Variants in TRIM14 observed in about 807,000 individuals in gnomAD.
TRIM14 encodes tripartite motif containing 14.
Under a neutral mutation model 44.5 loss-of-function variants are expected in TRIM14, and 28 were observed. That is an observed-to-expected ratio of 0.63 (90% CI 0.47 to 0.86). The LOEUF (loss-of-function observed/expected upper bound fraction) is 0.86. Among genes scored for constraint, TRIM14 ranks in the 40% least tolerant of loss-of-function variants. TRIM14 has a pLI of 0.00. For synonymous variants in TRIM14, 299 were observed against 269.2 expected (o/e 1.11, Z -1.08); for missense variants, 607 against 611.1 (o/e 0.99, Z 0.07).
At chr9:98,058,171 C>T in the TRIM14 span, among the ~76,000 whole-genome samples, 1 of 152,080 alleles carries the variant, frequency 6.6e-6, no homozygotes, top group African/African-American at 2.4e-5. Context: ...CCCACCTTGG[C>T]CTCCGAAAGT....
At chr9:98,052,403 CAAACAT>C in the TRIM14 span, among the ~76,000 whole-genome samples, 4 of 151,502 alleles carry the variant, frequency 2.6e-5, no homozygotes, top group African/African-American at 9.7e-5. Context: ...GAAAAGAAAA[CAAACAT>C]AAAGGCTTTT....
rs1825767480 is a variant in TRIM14, at chr9:98,086,144, T to C, written c.*1326A>G. 6.6e-6 allele frequency: 1 copy of C among 152,180 alleles called. No individual in the cohort carries two copies. The highest frequency in any genetic ancestry group is 2.4e-5 in the African/African-American group (1 of 41,434). 9.4% of individuals were successfully genotyped at this position (152,180 alleles called of 1,614,324 possible). On this transcript the variant is annotated 3_prime_UTR_variant, in exon 6 of 6. Transcript: ENST00000341469. ...TCTTACCCTTTTTGTCCCAAGACAG[T>C]TGGGAAACACCACCCCCTTTGGTTG...
At chr9:98,079,145 C>T (rs1018596990) in intron 6 of TRIM14, among the ~76,000 whole-genome samples, 4 of 152,144 alleles carry the variant, frequency 2.6e-5, no homozygotes, top group South Asian at 2.1e-4. Context: ...AGTCCCAAGT[C>T]GGGAAGCCTG....
downstream of TRIM14, chr9:98,083,172 C>T (rs552281221): frequency 3.7e-5 from 35 of 939,030 alleles, no homozygotes; most frequent in Admixed American, 6.2e-4. Context: ...CCACCTCCAC[C>T]TGCTCCTTAG....
At chr9:98,089,347 T>G (rs1349746568) in intron 5 of TRIM14, among the ~76,000 whole-genome samples, 1 of 152,110 alleles carries the variant, frequency 6.6e-6, no homozygotes, top group African/African-American at 2.4e-5. Flanking sequence ...TGGCTAATTT[T>G]TGTATTTTCA....
In TRIM14 at chr9:98,074,398, G is replaced by A. The variant is rs111899597; in HGVS notation, c.*29-4711C>T. ...CCCGATAGCACGGTCGGCAGGCTAG[G>A]GGAAGTCAAGGAGTCCCTGAAGAGA... On this transcript the variant is annotated intron_variant, in intron 6 of 6. Transcript: ENST00000375098. Among the ~76,000 whole-genome samples, 1,070 of 152,248 alleles carry A rather than the reference G, an allele frequency of 7.0e-3. 8 individuals carry two copies. The highest frequency in any genetic ancestry group is 0.024 in the African/African-American group (1,012 of 41,552).
intron 2 of TRIM14, among the ~76,000 whole-genome samples, chr9:98,105,458 A>G (rs750626366): frequency 1.1e-4 from 17 of 152,248 alleles, no homozygotes; most frequent in Non-Finnish European, 2.5e-4. Context: ...GGGCACCTGC[A>G]GTCCCAGCAA....
the TRIM14 span, among the ~76,000 whole-genome samples, chr9:98,054,168 A>G: frequency 6.6e-6 from 1 of 152,134 alleles, no homozygotes; most frequent in African/African-American, 2.4e-5. Flanking sequence ...GAATGTGACC[A>G]TACTTACAGA....
rs771441115 is a variant in TRIM14 at position 98,091,898 on chromosome 9, G to C, written c.793+11C>G. 2 of 1,577,132 alleles carry C rather than the reference G, an allele frequency of 1.3e-6. No homozygotes were observed. Among genetic ancestry groups the C allele is most frequent in the East Asian group, 2.3e-5 (1 of 44,090 alleles). ...CCGTCTCCACCCTATCCCCACTCCC[G>C]GGGGTCTTACATTTCAGCAATAGCG... is the stretch of plus-strand genomic sequence containing the variant. On this transcript the variant is annotated intron_variant, in intron 5 of 5. Coordinates refer to ENST00000341469, the MANE Select transcript of TRIM14 (RefSeq NM_014788.4).
chr9:98,078,018 GC>G (rs1340910384), intron 6 of TRIM14: 1 of 854,700 alleles, frequency 1.2e-6, no homozygotes, highest in African/African-American at 1.7e-5. Context: ...CTTTCCTGTG[GC>G]CGAGGGCAGG....
intron 5 of TRIM14, among the ~76,000 whole-genome samples, chr9:98,091,514 T>C (rs769103914): frequency 2.6e-5 from 4 of 152,144 alleles, no homozygotes; most frequent in Non-Finnish European, 5.9e-5. Flanking sequence ...CAAATATATA[T>C]ATGTTCATAA....
In TRIM14 at chr9:98,094,988, G is replaced by T. The variant is rs753923320; in HGVS notation, c.579C>A (p.Ser193Arg). The T allele has an allele frequency of 1.2e-6, 2 of 1,614,108 alleles. No individual in the cohort carries two copies. Among genetic ancestry groups the T allele is most frequent in the Non-Finnish European group, 1.7e-6 (2 of 1,180,012 alleles). Residue 193 changes from serine to arginine, a missense_variant, in exon 4 of 6, where the codon AGC (serine) becomes AGA (arginine). Ser to Arg is a moderately radical substitution (Grantham distance 110). Coordinates refer to ENST00000341469, the MANE Select transcript of TRIM14 (RefSeq NM_014788.4). ...GCACGGGATGGCACAGCTCCCCGAG[G>T]CTCATCTGCTGCTGCATCTCCTGCT... Reference protein sequence around the residue: ...ATEQEMQQQMSLGELCHPVPL... With the variant: ...ATEQEMQQQMRLGELCHPVPL...
chr9:98,057,720 T>A, the TRIM14 span, among the ~76,000 whole-genome samples: 1 of 152,142 alleles, frequency 6.6e-6, no homozygotes, highest in Non-Finnish European at 1.5e-5. Context: ...GCATAAGGCC[T>A]GGCCTGCACT....
chr9:98,105,246 T>C (rs1352832745), intron 2 of TRIM14, among the ~76,000 whole-genome samples: 1 of 152,214 alleles, frequency 6.6e-6, no homozygotes, highest in Admixed American at 6.5e-5. Context: ...CCGCAGGGGT[T>C]CTGGGTCTGG....
At chr9:98,101,953 A>G (rs1826410453) in intron 2 of TRIM14, among the ~76,000 whole-genome samples, 1 of 148,742 alleles carries the variant, frequency 6.7e-6, no homozygotes, top group South Asian at 2.2e-4. Context: ...GCTTGCAGTG[A>G]GCTGAGATCA....
At chr9:98,090,633 G>A (rs1192399962) in intron 5 of TRIM14, among the ~76,000 whole-genome samples, 3 of 148,554 alleles carry the variant, frequency 2.0e-5, no homozygotes, top group Non-Finnish European at 4.4e-5. Context: ...GTGCGACCTC[G>A]GCTCACTGCA....
In TRIM14 at chr9:98,087,321, A is replaced by C; in HGVS notation, c.*149T>G. On this transcript the variant is annotated 3_prime_UTR_variant, in exon 6 of 6. Coordinates refer to ENST00000341469, the MANE Select transcript of TRIM14 (RefSeq NM_014788.4). Reference sequence around the variant, plus strand: ...GCCTAGGAGAGGAAACCTTCAAAGCACTGTAGGCGTGATTGGTCGGGGAAA... The same window carrying C: ...GCCTAGGAGAGGAAACCTTCAAAGCCCTGTAGGCGTGATTGGTCGGGGAAA... 8.2e-7 allele frequency: 1 copy of C among 1,224,716 alleles called. No homozygotes were observed. Among genetic ancestry groups the C allele is most frequent in the Non-Finnish European group, 1.2e-6 (1 of 825,294 alleles). 75.9% of individuals were successfully genotyped at this position (1,224,716 alleles called of 1,614,324 possible).
At chr9:98,058,384 T>G in the TRIM14 span, among the ~76,000 whole-genome samples, 2 of 152,208 alleles carry the variant, frequency 1.3e-5, no homozygotes, top group Non-Finnish European at 2.9e-5. Context: ...CCCAATGCCA[T>G]GATGCTGCCG....
Position 98,087,801 on chromosome 9 carries a change from G to T in TRIM14, c.998C>A (p.Ala333Asp), listed in dbSNP as rs749950072. 1 of 1,506,168 alleles carries T rather than the reference G, an allele frequency of 6.6e-7. No homozygotes were observed. Among genetic ancestry groups the T allele is most frequent in the South Asian group, 1.3e-5 (1 of 79,556 alleles). 93.3% of individuals were successfully genotyped at this position (1,506,168 alleles called of 1,614,324 possible). A position where few individuals can be genotyped will look rare whatever the true frequency, so the allele number is the denominator to read the frequency against. ...GTAGGCCGCGCCCACCCACCAGCCG[G>T]CGCCCGCCTCCTGCACGTCAACCTC... is the stretch of plus-strand genomic sequence containing the variant. The part of the protein sequence containing the change: ...YWEVDVQEAG[A>D]GWWVGAAYAS... The change falls in exon 6 of 6, where the codon GCC (alanine) becomes GAC (aspartate). Residue 333 changes from alanine to aspartate, a missense_variant. By Grantham distance (126) the Ala-to-Asp change is moderately radical. Transcript: ENST00000341469.
Sources: gnomAD v4.1 joint callset for allele counts (sites outside exome capture counted in the v4.1 genomes callset) on GRCh38, gnomAD v4.1.1 for gene constraint, MANE v1.5 for transcripts, NCBI Gene and HGNC (gene_info 2026-07-23, HGNC 2026-07-21) for gene names.